The following TRMT10B variants were observed in gnomAD, a reference collection of about 807,000 sequenced individuals.
TRMT10B encodes tRNA methyltransferase 10 homolog B.
Under a neutral mutation model 43.8 loss-of-function variants are expected in TRMT10B, and 33 were observed. The observed-to-expected ratio is 0.75, with a 90% CI of 0.57 to 1.01. The LOEUF (loss-of-function observed/expected upper bound fraction) is 1.01, where lower values mean the gene tolerates loss of function less well. Among genes scored for constraint, TRMT10B ranks in the 50% least tolerant of loss-of-function variants. The pLI is 0.00. For synonymous variants in TRMT10B, 137 were observed against 130.6 expected, an observed-to-expected ratio of 1.05 and a Z score of -0.34; for missense variants, 362 against 369.8, an observed-to-expected ratio of 0.98 and a Z score of 0.17.
chr9:37,763,166 CAA>C (rs1162647212), intron 3 of TRMT10B, among the ~76,000 whole-genome samples: 3 of 113,756 alleles, frequency 2.6e-5, no homozygotes, highest in South Asian at 3.0e-4. Flanking sequence ...AAAAAAAAAA[CAA>C]AAAAAAAAAT....
At chr9:37,772,615 CAG>C (rs1827709748) in intron 7 of TRMT10B, among the ~76,000 whole-genome samples, 1 of 152,060 alleles carries the variant, frequency 6.6e-6, no homozygotes, top group Non-Finnish European at 1.5e-5. Context: ...TGTGAGGAAA[CAG>C]ACAAATCAGA....
At chr9:37,766,885 T>C (rs1037980095) in intron 4 of TRMT10B, 1 of 152,244 alleles carries the variant, frequency 6.6e-6, no homozygotes, top group Non-Finnish European at 1.5e-5. Flanking sequence ...TGTCTGTTAT[T>C]GGTGTATAAG....
intron 5 of TRMT10B, among the ~76,000 whole-genome samples, chr9:37,769,308 TAAA>T (rs57651814): frequency 4.6e-3 from 281 of 60,688 alleles, no homozygotes; most frequent in African/African-American, 0.017. Context: ...ACCCTGTCTT[TAAA>T]AAAAAAAAAA....
Position 37,762,092 on chromosome 9 carries a change from C to T in TRMT10B, c.161C>T (p.Ala54Val), listed in dbSNP as rs773809908. ...GAGTGCCAGGAGGGAGAGATCCTGG[C>T]CACAGGCAGTACGGCATGGTGCTCG... is the stretch of plus-strand genomic sequence containing the variant. ...EGECQEGEIL[A>V]TGSTAWCSKN... Residue 54 changes from alanine (A) to valine (V), a missense_variant, in exon 2 of 9, where the codon GCC becomes GTC. Transcript: ENST00000297994. 3 of 1,613,912 alleles carry T rather than the reference C, an allele frequency of 1.9e-6. No individual in the cohort carries two copies. Among genetic ancestry groups the T allele is most frequent in the Admixed American group, 3.3e-5 (2 of 59,988 alleles).
chr9:37,771,472 T>C (rs73649212), intron 7 of TRMT10B, among the ~76,000 whole-genome samples: 7 of 151,412 alleles, frequency 4.6e-5, no homozygotes, highest in Non-Finnish European at 1.0e-4. Context: ...CTATCTATGT[T>C]CCTGTATGTA....
At chr9:37,773,070 G>C (rs559495987) in intron 7 of TRMT10B, among the ~76,000 whole-genome samples, 13 of 152,272 alleles carry the variant, frequency 8.5e-5, no homozygotes, top group African/African-American at 3.1e-4. Context: ...ATTTAGTGAA[G>C]AAGTATTGTG....
chr9:37,761,409 G>T (rs1826309217), intron 1 of TRMT10B, among the ~76,000 whole-genome samples: 1 of 152,164 alleles, frequency 6.6e-6, no homozygotes, highest in Non-Finnish European at 1.5e-5. Context: ...TCTAAGAAGT[G>T]TATCTGGGGC....
intron 4 of TRMT10B, among the ~76,000 whole-genome samples, chr9:37,764,146 T>C (rs1043010617): frequency 1.3e-5 from 2 of 151,880 alleles, no homozygotes; most frequent in African/African-American, 4.8e-5. Context: ...AATGTGTGTG[T>C]TTTTTGTTGT....
At position 37,768,210 on chromosome 9, in the gene TRMT10B, T is replaced by C. The variant is rs1437708186; in HGVS notation, c.555T>C (p.Asp185=). 3.7e-6 allele frequency: 6 copies of C among 1,613,044 alleles called. No homozygotes were observed. In the African/African-American group the frequency reaches 5.3e-5, roughly 14 times the overall value. The change falls in exon 5 of 9, where the codon GAT becomes GAC. Residue 185 remains aspartate (D), a synonymous_variant. Coordinates refer to ENST00000297994, the MANE Select transcript of TRMT10B (RefSeq NM_144964.4). Reference sequence around the variant, plus strand: ...ATGAAGAGTGTGTGAGGATGAATGATGGATTTTCTAGTTACCTGGTAAGTC... The same window carrying C: ...ATGAAGAGTGTGTGAGGATGAATGACGGATTTTCTAGTTACCTGGTAAGTC... ...PLYEECVRMN[D]GFSSYLLDIT...
At chr9:37,763,172 A>AC (rs1563991635) in intron 3 of TRMT10B, among the ~76,000 whole-genome samples, 90 of 148,124 alleles carry the variant, frequency 6.1e-4, no homozygotes, top group African/African-American at 2.1e-3. Context: ...AAAACAAAAA[A>AC]AAAAATTTAA....
chr9:37,753,402 G>C (rs1473083577), upstream of TRMT10B, among the ~76,000 whole-genome samples: 1 of 152,162 alleles, frequency 6.6e-6, no homozygotes, highest in Non-Finnish European at 1.5e-5. Flanking sequence ...CAACCGCCCC[G>C]CTCCACTCCC....
chr9:37,775,171 T>G (rs1034267746), intron 7 of TRMT10B, among the ~76,000 whole-genome samples: 6 of 152,204 alleles, frequency 3.9e-5, no homozygotes, highest in African/African-American at 1.4e-4. Flanking sequence ...ATGCATGAAC[T>G]CCCTGTCACA....
At chr9:37,769,618 G>GTTTT (rs796085877) in intron 5 of TRMT10B, 12 of 178,820 alleles carry the variant, frequency 6.7e-5, no homozygotes, top group African/African-American at 1.5e-4. Flanking sequence ...TTTGAGCGGG[G>GTTTT]TTTTTTTTTT....
At chr9:37,763,847 G>A in intron 4 of TRMT10B, 94 bp downstream of exon 4, 1 of 1,606,432 alleles carries the variant, frequency 6.2e-7, no homozygotes, top group Non-Finnish European at 8.5e-7. Flanking sequence ...TCCAGCTTCT[G>A]GGATTCCTTA....
At chr9:37,762,810 A>G (rs1277527846) in intron 3 of TRMT10B, 125 bp downstream of exon 3, 3 of 1,214,860 alleles carry the variant, frequency 2.5e-6, no homozygotes, top group Non-Finnish European at 3.3e-6. Context: ...CCACTGCCCT[A>G]TTTTCTTGGG....
chr9:37,774,202 G>T (rs115066596), intron 7 of TRMT10B, among the ~76,000 whole-genome samples: 1 of 152,022 alleles, frequency 6.6e-6, no homozygotes, highest in Non-Finnish European at 1.5e-5. Flanking sequence ...GGGTTTCACC[G>T]TATGGCCCAT....
intron 5 of TRMT10B, chr9:37,769,602 T>C (rs1486145262): frequency 4.4e-6 from 1 of 227,790 alleles, no homozygotes; most frequent in Non-Finnish European, 8.7e-6. Context: ...TAACTAGTCG[T>C]TGAATTTTGA....
intron 4 of TRMT10B, among the ~76,000 whole-genome samples, chr9:37,764,314 A>AGT (rs1826744701): frequency 7.6e-6 from 1 of 132,264 alleles, no homozygotes; most frequent in Non-Finnish European, 1.6e-5. Context: ...ACGCCTGACA[A>AGT]ATTTTTTTTT....
chr9:37,756,700 CAG>C (rs1409310974), intron 1 of TRMT10B, among the ~76,000 whole-genome samples: 2 of 151,524 alleles, frequency 1.3e-5, no homozygotes, highest in Non-Finnish European at 2.9e-5. Context: ...GCCTGGGTGA[CAG>C]AGCAAGACTC....
Sources: gnomAD v4.1 joint callset for allele counts (sites outside exome capture counted in the v4.1 genomes callset) on GRCh38, gnomAD v4.1.1 for gene constraint, MANE v1.5 for transcripts, NCBI Gene and HGNC (gene_info 2026-07-23, HGNC 2026-07-21) for gene names.